Variants in SPAG17 observed in about 807,000 individuals in gnomAD.
The protein encoded by SPAG17 is sperm associated antigen 17.
A neutral mutation model predicts 273.6 loss-of-function variants in SPAG17; 169 were observed. That is an observed-to-expected ratio of 0.62 (90% CI 0.55 to 0.70). The LOEUF (loss-of-function observed/expected upper bound fraction) is 0.70. SPAG17 is among the 30% of genes least tolerant of loss of function. The pLI, the probability that SPAG17 is intolerant of heterozygous loss-of-function variation, is 0.00. For synonymous variants in SPAG17, 825 were observed against 873.2 expected (o/e 0.94, Z 0.97); for missense variants, 2,557 against 2,627.8 (o/e 0.97, Z 0.59).
intron 29 of SPAG17, among the ~76,000 whole-genome samples, chr1:118,014,636 T>C (rs1011411730): frequency 6.6e-6 from 1 of 152,230 alleles, no homozygotes; most frequent in Non-Finnish European, 1.5e-5. Context: ...GGTTAGATCA[T>C]GTAATCCATC....
At chr1:117,958,847 C>T in intron 48 of SPAG17, 9 of 1,092,242 alleles carry the variant, frequency 8.2e-6, no homozygotes, top group South Asian at 6.0e-5. Context: ...TTTACTGTTT[C>T]TAGAAGGGTT....
intron 16 of SPAG17, among the ~76,000 whole-genome samples, 174 bp from the exon 17 acceptor site, chr1:118,074,141 G>T (rs1653871629): frequency 6.6e-6 from 1 of 151,888 alleles, no homozygotes; most frequent in Non-Finnish European, 1.5e-5. Flanking sequence ...GTATGCCTTT[G>T]ACTTTTTTTT....
intron 3 of SPAG17, among the ~76,000 whole-genome samples, chr1:118,145,448 A>C (rs184507485): frequency 6.6e-6 from 1 of 152,310 alleles, no homozygotes; most frequent in Non-Finnish European, 1.5e-5. Flanking sequence ...GAACTATTAC[A>C]TCTGGGCATA....
At chr1:118,153,037 T>C (rs991797200) in intron 1 of SPAG17, among the ~76,000 whole-genome samples, 6 of 152,244 alleles carry the variant, frequency 3.9e-5, no homozygotes, top group African/African-American at 1.4e-4. Context: ...GCAAGTTTCC[T>C]TGCCAATATT....
At chr1:118,000,595 G>C (rs1175900761) in intron 32 of SPAG17, among the ~76,000 whole-genome samples, 1 of 152,156 alleles carries the variant, frequency 6.6e-6, no homozygotes, top group Non-Finnish European at 1.5e-5. Context: ...ATTGTGAATG[G>C]TGGTTCACTC....
intron 4 of SPAG17, among the ~76,000 whole-genome samples, chr1:118,107,690 T>A (rs866105136): frequency 6.6e-6 from 1 of 151,996 alleles, no homozygotes; most frequent in Middle Eastern, 3.2e-3. Context: ...CCCTTATAAA[T>A]CCTTATTTAC....
intron 48 of SPAG17, chr1:117,956,995 A>G (rs1194088471): frequency 6.1e-6 from 8 of 1,308,700 alleles, no homozygotes; most frequent in Non-Finnish European, 8.2e-6. Flanking sequence ...TAATAAAGGG[A>G]AGGATTTAAA....
Position 118,029,985 on chromosome 1 carries a change from G to A in SPAG17, c.3610-1591C>T, listed in dbSNP as rs201937083. Among the ~76,000 whole-genome samples the A allele has an allele frequency of 8.5e-5, 13 of 152,238 alleles. No individual in the cohort carries two copies. The East Asian group carries it at 2.1e-3, about 25-fold the overall frequency. On this transcript the variant is annotated intron_variant, in intron 25 of 48. Transcript: ENST00000336338. Reference sequence around the variant, plus strand: ...CTGCTCAAAGATGCAAACCTGCCACGTCAAATCTGTCAGCACACATAAAAC... The same window carrying A: ...CTGCTCAAAGATGCAAACCTGCCACATCAAATCTGTCAGCACACATAAAAC...
At chr1:118,151,566 CA>C (rs532560469) in intron 1 of SPAG17, among the ~76,000 whole-genome samples, 197 bp from the exon 2 acceptor site, 1 of 152,108 alleles carries the variant, frequency 6.6e-6, no homozygotes, top group Admixed American at 6.5e-5. Flanking sequence ...GCAACTTGAC[CA>C]AAAAACAATT....
chr1:118,178,132 A>C (rs934737418), intron 1 of SPAG17, among the ~76,000 whole-genome samples: 5 of 152,180 alleles, frequency 3.3e-5, no homozygotes, highest in Non-Finnish European at 7.4e-5. Context: ...GCTATAGGTC[A>C]GTATCACTGA....
intron 45 of SPAG17, among the ~76,000 whole-genome samples, chr1:117,971,553 CTT>C (rs61387392): frequency 0.065 from 9,897 of 152,194 alleles, 752 homozygotes; most frequent in African/African-American, 0.18. Flanking sequence ...TGCTGTAACA[CTT>C]TTGTACAACC....
At position 117,994,454 on chromosome 1, in the gene SPAG17, G is replaced by T. The variant is rs1174240230; in HGVS notation, c.5130C>A (p.Val1710=). The T allele has an allele frequency of 6.2e-7, 1 of 1,612,810 alleles. No homozygotes were observed. Among genetic ancestry groups the T allele is most frequent in the Non-Finnish European group, 8.5e-7 (1 of 1,179,240 alleles). The change falls in exon 35 of 49, where the codon GTC becomes GTA. Residue 1710 remains valine, a synonymous_variant. Transcript: ENST00000336338. ...PWQVKKEDTI[V]PPNLRSRSWE... The stretch of plus-strand genomic sequence containing the variant: ...ATGACCTTGACCGGAGATTAGGAGG[G>T]ACAATTGTATCTTCCTTTTTTACTT...
At chr1:117,969,907 A>G in intron 46 of SPAG17, 149 bp downstream of exon 46, 1 of 688,074 alleles carries the variant, frequency 1.5e-6, no homozygotes, top group Non-Finnish European at 2.4e-6. Context: ...ACTACGAGAA[A>G]TCTTTTGCTT....
rs750563933 is a variant in SPAG17 at position 118,023,452 on chromosome 1, T to C, written c.3921A>G (p.Ala1307=). Residue 1307 remains alanine, a synonymous_variant, in exon 28 of 49, where the codon GCA becomes GCG. Transcript: ENST00000336338. ...MLDGSTQILF[A]DGAVSRSPNS... is the part of the protein sequence containing the mutation. ...TGGGACTCCTGCTCACAGCACCATC[T>C]GCAAAGAGAATCTGAAGAATGAACA... is the stretch of plus-strand genomic sequence containing the variant. The C allele has an allele frequency of 1.2e-6, 2 of 1,604,910 alleles. No homozygotes were observed. The highest frequency in any genetic ancestry group is 2.2e-5 in the South Asian group (2 of 89,184).
intron 4 of SPAG17, among the ~76,000 whole-genome samples, chr1:118,105,783 G>A (rs1656359761): frequency 6.6e-6 from 1 of 151,894 alleles, no homozygotes; most frequent in African/African-American, 2.4e-5. Context: ...GAGGTGGAGT[G>A]GAGGAAATAA....
At chr1:118,112,511 GAT>G (rs930020465) in intron 4 of SPAG17, among the ~76,000 whole-genome samples, 9 of 152,012 alleles carry the variant, frequency 5.9e-5, no homozygotes, top group African/African-American at 1.9e-4. Flanking sequence ...TAAGTTTTAA[GAT>G]ATAATAAAAT....
At chr1:118,019,539 G>A (rs969065015) in intron 28 of SPAG17, among the ~76,000 whole-genome samples, 2 of 151,864 alleles carry the variant, frequency 1.3e-5, no homozygotes, top group East Asian at 1.9e-4. Context: ...GAAGAAAAAA[G>A]AAATGGATCA....
At chr1:118,100,881 G>C (rs1440579696) in intron 5 of SPAG17, among the ~76,000 whole-genome samples, 1 of 152,144 alleles carries the variant, frequency 6.6e-6, no homozygotes, top group Admixed American at 6.6e-5. Context: ...ATGATTGTGG[G>C]GGAGTTGGGG....
At chr1:117,957,165 C>T (rs373284358) in intron 48 of SPAG17, 10 of 1,612,046 alleles carry the variant, frequency 6.2e-6, no homozygotes, top group Admixed American at 1.7e-5. Context: ...TGATGTTGAA[C>T]TTATATGCCG....
Sources: gnomAD v4.1 joint callset for allele counts (sites outside exome capture counted in the v4.1 genomes callset) on GRCh38, gnomAD v4.1.1 for gene constraint, MANE v1.5 for transcripts, NCBI Gene and HGNC (gene_info 2026-07-23, HGNC 2026-07-21) for gene names.